The following PLEKHJ1 variants were observed in gnomAD, a reference collection of about 807,000 sequenced individuals.
PLEKHJ1 encodes pleckstrin homology domain containing J1.
Under a neutral mutation model 21.7 loss-of-function variants are expected in PLEKHJ1, and 20 were observed. That is an observed-to-expected ratio of 0.92 (90% CI 0.65 to 1.34). The LOEUF (loss-of-function observed/expected upper bound fraction) is 1.34, where lower values mean the gene tolerates loss of function less well. Among genes scored for constraint, PLEKHJ1 ranks in the 40% most tolerant of loss-of-function variants. The probability of loss-of-function intolerance (pLI) is 0.00; values close to 1 mark genes in which losing one functional copy is unlikely to be tolerated. For synonymous variants in PLEKHJ1, 113 were observed against 80.6 expected (o/e 1.40, Z -2.15); for missense variants, 241 against 202.0 (o/e 1.19, Z -1.17).
At chr19:2,230,852 C>T (rs371575832), downstream of PLEKHJ1, 32 of 352,378 alleles carry the variant, frequency 9.1e-5, no homozygotes, top group South Asian at 2.0e-3. Flanking sequence ...GAGCTGCCGG[C>T]GCCCCTGCCT....
At chr19:2,230,452 G>A (rs144983547), downstream of PLEKHJ1, 2,025 of 399,642 alleles carry the variant, frequency 5.1e-3, 8 homozygotes, top group Middle Eastern at 0.014. Context: ...ATGTGAAGGG[G>A]CCTGCGCGGT....
At chr19:2,230,815 C>A, downstream of PLEKHJ1, 1 of 377,658 alleles carries the variant, frequency 2.6e-6, no homozygotes, top group Non-Finnish European at 4.7e-6. Flanking sequence ...CTAGACCCCT[C>A]AGTTGCAGCT....
rs1421571770 is a variant in PLEKHJ1, at chr19:2,235,752, CCCCA to C, written c.229+6_229+9del. The C allele has an allele frequency of 5.2e-6, 8 of 1,547,586 alleles. No homozygotes were observed. Among genetic ancestry groups the C allele is most frequent in the Non-Finnish European group, 7.0e-6 (8 of 1,145,906 alleles). ...CGGGAAGCGCCGCTGGCTTCCCTAG[CCCCA>C]CTCACTGATGGAGAAGGTGCCGGGC... On this transcript the variant is annotated splice_donor_region_variant and intron_variant, in intron 3 of 5. Transcript: ENST00000326631.
chr19:2,233,946 C>G, intron 5 of PLEKHJ1, 41 bp from the exon 6 acceptor site: 4 of 1,611,826 alleles, frequency 2.5e-6, no homozygotes, highest in Non-Finnish European at 3.4e-6. Context: ...GGCTGGAGGA[C>G]TGCCTCTGCC....
chr19:2,231,515 A>AC (rs1376631901), downstream of PLEKHJ1: 1 of 198,344 alleles, frequency 5.0e-6, no homozygotes, highest in Non-Finnish European at 1.0e-5. Context: ...AACCTCTCAG[A>AC]CCCCCACCCT....
At chr19:2,235,849 G>A (rs1275432954) in intron 2 of PLEKHJ1, 21 bp from the exon 3 acceptor site, 4 of 1,569,096 alleles carry the variant, frequency 2.5e-6, no homozygotes, top group Admixed American at 3.7e-5. Context: ...CACGGGCGCC[G>A]GGACGGGGCA....
chr19:2,231,975 G>A, downstream of PLEKHJ1: 1 of 209,966 alleles, frequency 4.8e-6, no homozygotes, highest in East Asian at 7.1e-5. Flanking sequence ...TAGTGTGGTG[G>A]CTGCCTGCGG....
chr19:2,231,605 G>T, downstream of PLEKHJ1: 1 of 206,038 alleles, frequency 4.9e-6, no homozygotes, highest in Non-Finnish European at 9.9e-6. Context: ...ACCCCACGTT[G>T]GTGCTCTCAG....
downstream of PLEKHJ1, chr19:2,232,728 AC>A: frequency 5.6e-6 from 1 of 179,670 alleles, no homozygotes; most frequent in African/African-American, 2.4e-5. Context: ...ACACCAGGAC[AC>A]CCTGGCCTTG....
chr19:2,232,555 A>G, downstream of PLEKHJ1: 2 of 209,822 alleles, frequency 9.5e-6, no homozygotes, highest in East Asian at 7.1e-5. Flanking sequence ...AGACGCTGTA[A>G]TAAACAGACT....
downstream of PLEKHJ1, chr19:2,232,143 T>G (rs1599639835): frequency 1.8e-5 from 4 of 221,352 alleles, no homozygotes; most frequent in East Asian, 2.6e-4. Flanking sequence ...GGCGGGGACC[T>G]GTGCTGCTGC....
At position 2,233,668 on chromosome 19, in the gene PLEKHJ1, G is replaced by C. The variant is rs1403335055; in HGVS notation, c.*172C>G. 3.3e-6 allele frequency: 2 copies of C among 612,860 alleles called. No homozygotes were observed. Among genetic ancestry groups the C allele is most frequent in the Non-Finnish European group, 5.7e-6 (2 of 351,456 alleles). The allele number at this position is 612,860 out of a possible 1,614,324, so 38.0% of individuals were successfully genotyped here. ...GCAGGAGGATCACTTGAGTCCAGAAGGTCAAGGTCACAGTGAGCTGTGGCA... is the reference window on the plus strand; with the variant it reads ...GCAGGAGGATCACTTGAGTCCAGAACGTCAAGGTCACAGTGAGCTGTGGCA... On this transcript the variant is annotated 3_prime_UTR_variant, in exon 6 of 6. Coordinates refer to ENST00000326631, the MANE Select transcript of PLEKHJ1 (RefSeq NM_018049.3).
Position 2,236,260 on chromosome 19 carries a change from G to T in PLEKHJ1, c.-12C>A, listed in dbSNP as rs1599648069. On this transcript the variant is annotated 5_prime_UTR_variant, in exon 1 of 6. Transcript: ENST00000326631. ...TCGTTGTACCGCATGGCTCCGCGGGGAACGGGAACCCGGGCCGCGCCCTCC... is the reference window on the plus strand; with the variant it reads ...TCGTTGTACCGCATGGCTCCGCGGGTAACGGGAACCCGGGCCGCGCCCTCC... The T allele has an allele frequency of 1.5e-6, 2 of 1,371,296 alleles. No individual in the cohort carries two copies. The highest frequency in any genetic ancestry group is 1.9e-6 in the Non-Finnish European group (2 of 1,062,710). The allele number at this position is 1,371,296 out of a possible 1,614,324, so 84.9% of individuals were successfully genotyped here. A position where few individuals can be genotyped will look rare whatever the true frequency, so the allele number is the denominator to read the frequency against.
Position 2,235,789 on chromosome 19 carries a change from GGAC to G in PLEKHJ1, c.199_201del (p.Val67del). The G allele has an allele frequency of 6.5e-7, 1 of 1,550,012 alleles. No individual in the cohort carries two copies. The highest frequency in any genetic ancestry group is 8.7e-7 in the Non-Finnish European group (1 of 1,147,054). On this transcript the variant is annotated inframe_deletion, in exon 3 of 6. Coordinates refer to ENST00000326631, the MANE Select transcript of PLEKHJ1 (RefSeq NM_018049.3). ...ATGGAGAAGGTGCCGGGCTCTTCCC[GGAC>G]GACTCTGCAGCGCTCCAGCAGCAGG... is the stretch of plus-strand genomic sequence containing the variant.
downstream of PLEKHJ1, chr19:2,230,104 TAA>T (rs2024533590): frequency 1.8e-6 from 1 of 550,394 alleles, no homozygotes. Flanking sequence ...GAGCTCTATA[TAA>T]AGACACGTGT....
intron 5 of PLEKHJ1, 27 bp downstream of exon 5, chr19:2,233,971 C>T: frequency 6.2e-7 from 1 of 1,612,034 alleles, no homozygotes; most frequent in African/African-American, 1.3e-5. Context: ...GCAGCCCCAC[C>T]CCGGCCCTCT....
At chr19:2,234,589 G>A (rs1246811001) in intron 3 of PLEKHJ1, 2 of 265,120 alleles carry the variant, frequency 7.5e-6, no homozygotes, top group Non-Finnish European at 7.3e-6. Context: ...GGGCCTTGTA[G>A]GCCCAGCCAC....
rs200465198 is a variant in PLEKHJ1, at chr19:2,233,983, C to A, written c.384+15G>T. 1 of 1,612,124 alleles carries A rather than the reference C, an allele frequency of 6.2e-7. No homozygotes were observed. The highest frequency in any genetic ancestry group is 8.5e-7 in the Non-Finnish European group (1 of 1,179,174). ...CCTGCAGCCCCACCCCGGCCCTCTGCAGCCCTGCACACACCTTGCCCGTCA... is the reference window on the plus strand; with the variant it reads ...CCTGCAGCCCCACCCCGGCCCTCTGAAGCCCTGCACACACCTTGCCCGTCA... On this transcript the variant is annotated intron_variant, in intron 5 of 5. Coordinates refer to ENST00000326631, the MANE Select transcript of PLEKHJ1 (RefSeq NM_018049.3).
chr19:2,235,633 T>G, intron 3 of PLEKHJ1, 129 bp downstream of exon 3: 1 of 751,816 alleles, frequency 1.3e-6, no homozygotes, highest in Non-Finnish European at 2.1e-6. Flanking sequence ...AATGCACTCT[T>G]GTGTTTGAGG....
Sources: allele counts gnomAD v4.1 joint callset, GRCh38; gene constraint gnomAD v4.1.1; transcripts MANE v1.5; gene names NCBI Gene and HGNC (gene_info 2026-07-23, HGNC 2026-07-21).